The following COL24A1 variants were observed in gnomAD, a reference collection of about 807,000 sequenced individuals.
The protein encoded by COL24A1 is collagen type XXIV alpha 1 chain.
Under a neutral mutation model 253.9 loss-of-function variants are expected in COL24A1, and 224 were observed. That is an observed-to-expected ratio of 0.88 (90% confidence interval 0.79 to 0.99). COL24A1 has a LOEUF of 0.99. Among genes scored for constraint, COL24A1 ranks in the 50% least tolerant of loss-of-function variants. COL24A1 has a pLI of 0.00. For synonymous variants in COL24A1, 685 were observed against 673.7 expected, an observed-to-expected ratio of 1.02 and a Z score of -0.26; for missense variants, 2,131 against 2,068.5, an observed-to-expected ratio of 1.03 and a Z score of -0.59.
chr1:85,741,938 G>A (rs181260722), intron 57 of COL24A1, among the ~76,000 whole-genome samples: 75 of 151,934 alleles, frequency 4.9e-4, no homozygotes, highest in Admixed American at 3.9e-3. Flanking sequence ...TTTACTTAAC[G>A]TGGACCCAGT....
intron 45 of COL24A1, among the ~76,000 whole-genome samples, chr1:85,822,791 A>G (rs1353398416): frequency 1.3e-5 from 2 of 152,152 alleles, no homozygotes; most frequent in African/African-American, 4.8e-5. Context: ...CACCCTTGAT[A>G]TCTGATCACC....
At chr1:86,032,700 T>C (rs1334565813) in intron 13 of COL24A1, among the ~76,000 whole-genome samples, 3 of 152,116 alleles carry the variant, frequency 2.0e-5, no homozygotes, top group Non-Finnish European at 2.9e-5. Flanking sequence ...GAATATACTA[T>C]AGAGAATTAT....
At position 85,945,014 on chromosome 1, in the gene COL24A1, T is replaced by G. The variant is rs1395306747; in HGVS notation, c.2562+16235A>C. On this transcript the variant is annotated intron_variant, in intron 24 of 59. Transcript: ENST00000370571. ...AGTCTATCATTGTGTTTTTTTTTTT[T>G]TTTTTTTTTTTTTTTTTTTTTGAGA... is the stretch of plus-strand genomic sequence containing the variant. Among the ~76,000 whole-genome samples the G allele has an allele frequency of 6.2e-3, 521 of 84,122 alleles. 15 individuals carry two copies. Among genetic ancestry groups the G allele is most frequent in the African/African-American group, 0.022 (475 of 22,032 alleles). The allele number at this position is 84,122 out of a possible 152,430, so 55.2% of individuals were successfully genotyped here. A position where few individuals can be genotyped will look rare whatever the true frequency, so the allele number is the denominator to read the frequency against.
At chr1:85,852,140 G>A (rs918414842) in intron 37 of COL24A1, among the ~76,000 whole-genome samples, 1 of 152,058 alleles carries the variant, frequency 6.6e-6, no homozygotes, top group Non-Finnish European at 1.5e-5. Context: ...GTGTGAGGGA[G>A]AGTATTTTTT....
intron 7 of COL24A1, among the ~76,000 whole-genome samples, chr1:86,064,312 A>ATT (rs1701322433): frequency 6.6e-6 from 1 of 152,184 alleles, no homozygotes; most frequent in Non-Finnish European, 1.5e-5. Flanking sequence ...TGTCTAGGGA[A>ATT]TTAGTAACAA....
Position 86,059,120 on chromosome 1 carries a change from C to T in COL24A1, c.1806+1G>A. 2.5e-6 allele frequency: 4 copies of T among 1,606,656 alleles called. No homozygotes were observed. The highest frequency in any genetic ancestry group is 3.4e-6 in the Non-Finnish European group (4 of 1,175,374). On this transcript the variant is annotated splice_donor_variant, in intron 9 of 59. Coordinates refer to ENST00000370571, the MANE Select transcript of COL24A1 (RefSeq NM_152890.7). LOFTEE classifies it high-confidence loss of function. ...GAAAAGTCTAAATATAGTTACTGCA[C>T]CTGCCTGCCAGGGTAACCGGGTGAA...
intron 2 of COL24A1, among the ~76,000 whole-genome samples, chr1:86,134,530 G>A (rs1649893721): frequency 6.9e-6 from 1 of 145,434 alleles, no homozygotes; most frequent in African/African-American, 2.5e-5. Flanking sequence ...ATGTGTCCCA[G>A]AGATTCTGGT....
chr1:85,935,893 T>C (rs1425088272), intron 24 of COL24A1, among the ~76,000 whole-genome samples: 1 of 147,470 alleles, frequency 6.8e-6, no homozygotes, highest in African/African-American at 2.5e-5. Context: ...TTATTAACCC[T>C]GCAATAAGCT....
At chr1:85,844,927 T>A (rs995684361) in intron 39 of COL24A1, among the ~76,000 whole-genome samples, 3 of 151,788 alleles carry the variant, frequency 2.0e-5, no homozygotes, top group African/African-American at 7.2e-5. Context: ...CAGAAAAATA[T>A]GAAAAATTTA....
chr1:85,841,262 T>C lies in COL24A1; in HGVS notation c.3587A>G (p.Asp1196Gly), dbSNP rs749826836. 3 of 1,599,796 alleles carry C rather than the reference T, an allele frequency of 1.9e-6. No individual in the cohort carries two copies. In the African/African-American group the frequency reaches 4.1e-5, roughly 22 times the overall value. Reference sequence around the variant, plus strand: ...CCCAGGTGGTCCTAGGACTGTGCTATCTTCTCCTGGGTAGCCCTAAAATGA... The same window carrying C: ...CCCAGGTGGTCCTAGGACTGTGCTACCTTCTCCTGGGTAGCCCTAAAATGA... Reference protein sequence around the residue: ...PKGEKGYPGEDSTVLGPPGPR... With the variant: ...PKGEKGYPGEGSTVLGPPGPR... Residue 1196 changes from aspartate to glycine, a missense_variant, in exon 42 of 60, where the codon GAT becomes GGT. Asp to Gly is a moderately conservative substitution (Grantham distance 94). Transcript: ENST00000370571.
At chr1:85,951,459 C>T (rs190332544) in intron 24 of COL24A1, among the ~76,000 whole-genome samples, 14 of 152,060 alleles carry the variant, frequency 9.2e-5, no homozygotes, top group Non-Finnish European at 1.8e-4. Context: ...TTAGAGGTGA[C>T]AGAAACAGCC....
intron 37 of COL24A1, among the ~76,000 whole-genome samples, chr1:85,863,623 A>C (rs554256403): frequency 6.6e-6 from 1 of 152,324 alleles, no homozygotes; most frequent in East Asian, 1.9e-4. Flanking sequence ...CAACCTATAG[A>C]ATGGGAGAAA....
chr1:85,756,447 A>G (rs1209145396), intron 55 of COL24A1, among the ~76,000 whole-genome samples: 1 of 152,182 alleles, frequency 6.6e-6, no homozygotes, highest in Non-Finnish European at 1.5e-5. Context: ...TGTCTAATAA[A>G]CACATGAAAA....
intron 24 of COL24A1, among the ~76,000 whole-genome samples, chr1:85,935,453 T>A: frequency 6.8e-6 from 1 of 147,672 alleles, no homozygotes; most frequent in East Asian, 2.1e-4. Context: ...AATACATCAC[T>A]GTTTCCAAAT....
chr1:85,971,474 G>T, intron 20 of COL24A1, 81 bp from the exon 21 acceptor site: 1 of 1,151,638 alleles, frequency 8.7e-7, no homozygotes, highest in Non-Finnish European at 1.3e-6. Flanking sequence ...TGTGGAGATG[G>T]ACAATACTCT....
At position 85,745,495 on chromosome 1, in the gene COL24A1, A is replaced by G. The variant is rs375393256; in HGVS notation, c.4449T>C (p.Asp1483=). 1 of 1,609,892 alleles carries G rather than the reference A, an allele frequency of 6.2e-7. No homozygotes were observed. Among genetic ancestry groups the G allele is most frequent in the African/African-American group, 1.3e-5 (1 of 74,712 alleles). ...TCAAGGCTTGAATAGCAGCATTGAT[A>G]TCCATTTGCTTCTGTGTAAAACAAA... ...PGAPGPRKQM[D]INAAIQALIE... The change falls in exon 56 of 60, where the codon GAT becomes GAC. Residue 1483 remains aspartate (D), a synonymous_variant. Transcript: ENST00000370571.
At chr1:86,049,668 G>T (rs1044082489) in intron 11 of COL24A1, among the ~76,000 whole-genome samples, 1 of 151,978 alleles carries the variant, frequency 6.6e-6, no homozygotes, top group South Asian at 2.1e-4. Context: ...TTTTGCAAAG[G>T]TTCTATCTTT....
At position 86,022,269 on chromosome 1, in the gene COL24A1, G is replaced by A. The variant is rs201423819; in HGVS notation, c.2227C>T (p.Pro743Ser). ...GGCCCTGACTTTCCTCTCATCCCTG[G>A]TGGTCCTGGTAAACCAACAGCACCC... is the stretch of plus-strand genomic sequence containing the variant. ...DKGAVGLPGP[P>S]GMRGKSGPSG... Residue 743 changes from proline to serine, a missense_variant, in exon 18 of 60, where the codon CCA becomes TCA. Physicochemically the swap from Pro to Ser is moderately conservative, Grantham distance 74. Coordinates refer to ENST00000370571, the MANE Select transcript of COL24A1 (RefSeq NM_152890.7). 101 of 1,612,374 alleles carry A rather than the reference G, an allele frequency of 6.3e-5. No individual in the cohort carries two copies. Among genetic ancestry groups the A allele is most frequent in the Non-Finnish European group, 8.4e-5 (99 of 1,179,116 alleles).
chr1:85,780,746 C>T (rs991204320), intron 52 of COL24A1, among the ~76,000 whole-genome samples: 3 of 152,164 alleles, frequency 2.0e-5, no homozygotes, highest in African/African-American at 2.4e-5. Flanking sequence ...ATCACTGTAA[C>T]CTGTACTGTA....
Sources: allele counts gnomAD v4.1 joint callset (sites outside exome capture counted in the v4.1 genomes callset), GRCh38; gene constraint gnomAD v4.1.1; transcripts MANE v1.5; gene names NCBI Gene and HGNC (gene_info 2026-07-23, HGNC 2026-07-21).